Variants in FOXP1 observed in about 807,000 individuals in gnomAD.
FOXP1 encodes the protein forkhead box P1, also known as forkhead box protein P1.
FOXP1 carries 15 observed loss-of-function variants against 98.2 expected under a neutral mutation model. That is an observed-to-expected ratio of 0.15 (90% confidence interval 0.10 to 0.24). FOXP1 has a LOEUF of 0.24. Among genes scored for constraint, FOXP1 ranks in the 10% least tolerant of loss-of-function variants. The probability of loss-of-function intolerance (pLI) is 1.00; values close to 1 mark genes in which losing one functional copy is unlikely to be tolerated. For synonymous variants in FOXP1, 371 were observed against 314.5 expected (o/e 1.18, Z -1.90); for missense variants, 633 against 848.5 (o/e 0.75, Z 3.15).
intron 5 of FOXP1, among the ~76,000 whole-genome samples, chr3:71,244,190 T>A (rs2067521682): frequency 6.6e-6 from 1 of 152,198 alleles, no homozygotes; most frequent in Non-Finnish European, 1.5e-5. Context: ...GTTACACCAG[T>A]GTGGATTATC....
intron 7 of FOXP1, among the ~76,000 whole-genome samples, chr3:71,081,288 G>C (rs2054385541): frequency 6.6e-6 from 1 of 152,084 alleles, no homozygotes; most frequent in Admixed American, 6.5e-5. Context: ...ACTCAGCTCA[G>C]TAATTACACA....
At chr3:70,962,803 C>T (rs183510607) in intron 20 of FOXP1, among the ~76,000 whole-genome samples, 164 of 152,126 alleles carry the variant, frequency 1.1e-3, no homozygotes, top group African/African-American at 3.3e-3. Flanking sequence ...AGGATGAGGA[C>T]CCCTAGAAGA....
At chr3:71,503,088 C>T (rs2041527785) in intron 2 of FOXP1, among the ~76,000 whole-genome samples, 2 of 151,158 alleles carry the variant, frequency 1.3e-5, no homozygotes, top group Admixed American at 6.6e-5. Flanking sequence ...AAAAAAGGAA[C>T]ATATCTCTTG....
intron 7 of FOXP1, among the ~76,000 whole-genome samples, chr3:71,091,982 G>GT (rs2055906713): frequency 6.6e-6 from 1 of 152,072 alleles, no homozygotes; most frequent in Non-Finnish European, 1.5e-5. Flanking sequence ...GAGGTCAGGA[G>GT]TTTGAGACCA....
chr3:71,061,882 A>G (rs1268091314), intron 7 of FOXP1, among the ~76,000 whole-genome samples: 1 of 152,204 alleles, frequency 6.6e-6, no homozygotes, highest in African/African-American at 2.4e-5. Context: ...TAGTCACAAC[A>G]TTCTCTCCTG....
intron 11 of FOXP1, among the ~76,000 whole-genome samples, chr3:71,031,855 C>T (rs1291017884): frequency 6.6e-6 from 1 of 152,208 alleles, no homozygotes; most frequent in Admixed American, 6.5e-5. Flanking sequence ...CACAACCACC[C>T]AGCCAGAAAG....
intron 3 of FOXP1, among the ~76,000 whole-genome samples, chr3:71,387,808 A>G (rs145084541): frequency 7.5e-4 from 114 of 152,314 alleles, no homozygotes; most frequent in African/African-American, 2.4e-3. Flanking sequence ...TCCAGCTTCT[A>G]TTTATTTCAA....
At chr3:70,977,152 AAAGGT>A in intron 16 of FOXP1, 110 bp from the exon 17 acceptor site, 4 of 781,306 alleles carry the variant, frequency 5.1e-6, no homozygotes, top group Non-Finnish European at 9.0e-6. Context: ...AAATCCTGAG[AAAGGT>A]TTTACAAAAT....
chr3:71,123,880 T>G (rs1000393947), intron 6 of FOXP1, among the ~76,000 whole-genome samples: 1 of 152,194 alleles, frequency 6.6e-6, no homozygotes, highest in African/African-American at 2.4e-5. Flanking sequence ...GTTTTTAGTG[T>G]TTATTGCCAG....
chr3:71,085,877 G>A (rs1272954606), intron 7 of FOXP1, among the ~76,000 whole-genome samples: 1 of 151,316 alleles, frequency 6.6e-6, no homozygotes, highest in Non-Finnish European at 1.5e-5. Context: ...CCACAGGCGG[G>A]TGCCACCACA....
At chr3:71,408,911 T>C (rs953613971) in intron 3 of FOXP1, among the ~76,000 whole-genome samples, 3 of 152,238 alleles carry the variant, frequency 2.0e-5, no homozygotes, top group African/African-American at 7.2e-5. Flanking sequence ...CTACATCCTA[T>C]GTTTACTGAA....
intron 17 of FOXP1, among the ~76,000 whole-genome samples, chr3:70,974,094 CAA>C (rs1203626401): frequency 6.6e-6 from 1 of 151,846 alleles, no homozygotes; most frequent in Admixed American, 6.6e-5. Flanking sequence ...GATAAATTCC[CAA>C]AAAGTTTTTG....
At chr3:71,498,046 G>A (rs953301956) in intron 2 of FOXP1, among the ~76,000 whole-genome samples, 9 of 152,104 alleles carry the variant, frequency 5.9e-5, no homozygotes, top group East Asian at 1.9e-4. Context: ...AAATGCATGC[G>A]TTCTGGCAGT....
intron 3 of FOXP1, among the ~76,000 whole-genome samples, chr3:71,365,786 C>A (rs772361825): frequency 2.0e-4 from 30 of 152,172 alleles, no homozygotes; most frequent in Non-Finnish European, 2.8e-4. Flanking sequence ...AGATGGAGAC[C>A]AGCCTGGCCA....
intron 2 of FOXP1, among the ~76,000 whole-genome samples, chr3:71,551,483 A>C (rs2045773450): frequency 6.6e-6 from 1 of 152,190 alleles, no homozygotes; most frequent in Non-Finnish European, 1.5e-5. Flanking sequence ...CAAAGTAATA[A>C]ATGTGGCAAT....
intron 2 of FOXP1, among the ~76,000 whole-genome samples, chr3:71,533,228 TG>T (rs2044003152): frequency 1.3e-5 from 2 of 152,184 alleles, no homozygotes; most frequent in South Asian, 4.1e-4. Context: ...CAACCTGGGT[TG>T]GAAGTGCACA....
intron 2 of FOXP1, among the ~76,000 whole-genome samples, chr3:71,575,444 CACACACACACAT>C (rs2047653124): frequency 6.6e-6 from 1 of 151,802 alleles, no homozygotes. Flanking sequence ...TAATAACCTA[CACACACACACAT>C]ACACACACAC....
At chr3:71,368,323 A>G (rs946909962) in intron 3 of FOXP1, among the ~76,000 whole-genome samples, 1 of 152,038 alleles carries the variant, frequency 6.6e-6, no homozygotes, top group African/African-American at 2.4e-5. Flanking sequence ...ATGGGGTTTC[A>G]GCATGTTGGC....
chr3:71,329,955 C>T (rs2076198945), intron 4 of FOXP1: 1 of 152,064 alleles, frequency 6.6e-6, no homozygotes, highest in South Asian at 2.1e-4. Context: ...GCCTGTAATC[C>T]CAGCTACTCA....
Sources: allele counts gnomAD v4.1 joint callset (sites outside exome capture counted in the v4.1 genomes callset), GRCh38; gene constraint gnomAD v4.1.1; transcripts MANE v1.5; gene names NCBI Gene and HGNC (gene_info 2026-07-23, HGNC 2026-07-21).